RAI1: variants seen among roughly 807,000 people sequenced by gnomAD.
RAI1 encodes retinoic acid-induced protein 1.
In RAI1, 9 loss-of-function variants were observed where a neutral mutation model predicts 123.8. The ratio of observed to expected loss-of-function variants is 0.07; its 90% CI spans 0.04 to 0.13. The LOEUF (loss-of-function observed/expected upper bound fraction) is 0.13. RAI1 is among the 10% of genes least tolerant of loss of function. The pLI, the probability that RAI1 is intolerant of heterozygous loss-of-function variation, is 1.00. For missense variants in RAI1, 2,256 were observed against 2,545.8 expected, an observed-to-expected ratio of 0.89 and a Z score of 2.45; for synonymous variants, 1,231 against 1,127.3, an observed-to-expected ratio of 1.09 and a Z score of -1.84.
At chr17:17,771,120 G>C (rs2142995153) in intron 2 of RAI1, among the ~76,000 whole-genome samples, 1 of 152,304 alleles carries the variant, frequency 6.6e-6, no homozygotes, top group South Asian at 2.1e-4. Flanking sequence ...GTTTGGCCTT[G>C]GCAGGGCCAT....
intron 1 of RAI1, among the ~76,000 whole-genome samples, chr17:17,687,913 C>G (rs1436957057): frequency 1.3e-5 from 2 of 150,802 alleles, no homozygotes; most frequent in Non-Finnish European, 2.9e-5. Flanking sequence ...GCCTGTAATT[C>G]CAGCTACTTG....
At position 17,797,529 on chromosome 17, in the gene RAI1, C is replaced by T. The variant is rs1040757288; in HGVS notation, c.4581C>T (p.Gly1527=). ...QPQTRAQKQP[G]HTNYSSYSKR... ...AGACAAGGGCACAGAAACAGCCAGG[C>T]CACACCAACTACAGCAGCTATTCCA... is the stretch of plus-strand genomic sequence containing the variant. The change falls in exon 3 of 6, where the codon GGC becomes GGT. Residue 1527 remains glycine, a synonymous_variant. Transcript: ENST00000353383. 6.2e-7 allele frequency: 1 copy of T among 1,613,850 alleles called. No individual in the cohort carries two copies.
At chr17:17,746,369 C>G (rs1455486810) in intron 2 of RAI1, among the ~76,000 whole-genome samples, 1 of 152,212 alleles carries the variant, frequency 6.6e-6, no homozygotes, top group African/African-American at 2.4e-5. Flanking sequence ...AGTCCTCTTT[C>G]AGAGCGAGGC....
chr17:17,810,749 C>G lies in RAI1; in HGVS notation c.*768C>G, dbSNP rs1251747272. The G allele has an allele frequency of 2.2e-6, 1 of 449,270 alleles. No individual in the cohort carries two copies. 27.8% of individuals were successfully genotyped at this position (449,270 alleles called of 1,614,324 possible). A position where few individuals can be genotyped will look rare whatever the true frequency, so the allele number is the denominator to read the frequency against. On this transcript the variant is annotated 3_prime_UTR_variant, in exon 6 of 6. Transcript: ENST00000353383. This position sits in a 1 kb window ranked among gnomAD's most constrained non-coding sequence, Gnocchi z 4.6. ...CCCTTTCCAGTCCTCCACCCCACCC[C>G]TGGAGCCCAGCCTGGGAGCGCAAAA...
rs1424544991 is a variant in RAI1, at chr17:17,793,279, C to T, written c.331C>T (p.Arg111Cys). The T allele has an allele frequency of 3.1e-6, 5 of 1,612,340 alleles. No homozygotes were observed. In the African/African-American group the frequency reaches 4.0e-5, roughly 13 times the overall value. Residue 111 changes from arginine (R) to cysteine (C), a missense_variant, in exon 3 of 6, where the codon CGC (arginine) becomes TGC (cysteine). Coordinates refer to ENST00000353383, the MANE Select transcript of RAI1 (RefSeq NM_030665.4). The part of the protein sequence containing the change: ...GVQDSSPYPG[R>C]YAGEESLQAW... ...CCAGGACAGCAGCCCCTACCCAGGC[C>T]GCTATGCTGGTGAGGAGAGCCTTCA...
intron 2 of RAI1, among the ~76,000 whole-genome samples, chr17:17,749,795 C>G (rs1360686187): frequency 6.6e-6 from 1 of 152,218 alleles, no homozygotes; most frequent in African/African-American, 2.4e-5. Context: ...GGGAGTTCCC[C>G]TACCTTCTGT....
At chr17:17,772,286 C>T (rs1413571428) in intron 2 of RAI1, among the ~76,000 whole-genome samples, 1 of 152,180 alleles carries the variant, frequency 6.6e-6, no homozygotes, top group Non-Finnish European at 1.5e-5. Context: ...TAGAATTTCT[C>T]CCTGCATTTC....
chr17:17,705,142 A>T (rs1915353257), intron 1 of RAI1, among the ~76,000 whole-genome samples: 1 of 152,116 alleles, frequency 6.6e-6, no homozygotes, highest in Non-Finnish European at 1.5e-5. Flanking sequence ...ATCCTGACTG[A>T]TTCTTCATCA....
intron 2 of RAI1, among the ~76,000 whole-genome samples, chr17:17,782,515 G>C (rs2031625889): frequency 6.6e-6 from 1 of 151,650 alleles, no homozygotes; most frequent in African/African-American, 2.4e-5. Flanking sequence ...CCCCAGGACC[G>C]GGCGCATCTG....
intron 2 of RAI1, among the ~76,000 whole-genome samples, chr17:17,754,655 A>G (rs757039193): frequency 6.6e-6 from 1 of 152,182 alleles, no homozygotes; most frequent in African/African-American, 2.4e-5. Flanking sequence ...GTAAACTGTT[A>G]TTAAAGCCAT....
At chr17:17,766,454 A>C (rs2030936635) in intron 2 of RAI1, among the ~76,000 whole-genome samples, 1 of 152,234 alleles carries the variant, frequency 6.6e-6, no homozygotes, top group African/African-American at 2.4e-5. Flanking sequence ...GGCGCGTCCG[A>C]GGCCTGCTTC....
At chr17:17,785,326 G>T (rs1193734426) in intron 2 of RAI1, among the ~76,000 whole-genome samples, 1 of 152,168 alleles carries the variant, frequency 6.6e-6, no homozygotes, top group East Asian at 1.9e-4. Context: ...GGGGTTAAAT[G>T]CACTCAACAC....
intron 1 of RAI1, chr17:17,684,166 C>T (rs1914541498): frequency 6.6e-6 from 1 of 152,162 alleles, no homozygotes; most frequent in Non-Finnish European, 1.5e-5. Flanking sequence ...AGTCACTGCA[C>T]CCAGCCTTAC....
intron 1 of RAI1, among the ~76,000 whole-genome samples, chr17:17,695,264 C>A (rs910083584): frequency 6.6e-6 from 1 of 152,194 alleles, no homozygotes; most frequent in Non-Finnish European, 1.5e-5. Context: ...GGACTGCACA[C>A]CTCACCCGGT....
At chr17:17,783,306 C>G (rs1163841035) in intron 2 of RAI1, among the ~76,000 whole-genome samples, 1 of 152,002 alleles carries the variant, frequency 6.6e-6, no homozygotes, top group Non-Finnish European at 1.5e-5. Flanking sequence ...CGGCAGAGCC[C>G]GAGGTTGCCG....
In RAI1 at chr17:17,772,094, T is replaced by C. The variant is rs555201716; in HGVS notation, c.-16-20839T>C. Among the ~76,000 whole-genome samples, 21 of 152,272 alleles carry C rather than the reference T, an allele frequency of 1.4e-4. No homozygotes were observed. In the South Asian group the frequency reaches 3.3e-3, roughly 24 times the overall value. On this transcript the variant is annotated intron_variant, in intron 2 of 5. Coordinates refer to ENST00000353383, the MANE Select transcript of RAI1 (RefSeq NM_030665.4). ...TGCCAGGCTCTGGCACACCAGGAAATGTAAGCCAGACTCAAGGGTTGGCAA... is the reference window on the plus strand; with the variant it reads ...TGCCAGGCTCTGGCACACCAGGAAACGTAAGCCAGACTCAAGGGTTGGCAA...
intron 1 of RAI1, among the ~76,000 whole-genome samples, chr17:17,718,424 C>T (rs1915776749): frequency 6.6e-6 from 1 of 152,182 alleles, no homozygotes; most frequent in South Asian, 2.1e-4. Context: ...CTCTCAGTTT[C>T]ACATGGTAGC....
In RAI1 at chr17:17,754,478, C is replaced by T. The variant is rs374684319; in HGVS notation, c.-17+30319C>T. Among the ~76,000 whole-genome samples the T allele has an allele frequency of 3.0e-3, 457 of 152,238 alleles. 23 individuals carry two copies. The South Asian group carries it at 0.088, about 29-fold the overall frequency. On this transcript the variant is annotated intron_variant, in intron 2 of 5. Coordinates refer to ENST00000353383, the MANE Select transcript of RAI1 (RefSeq NM_030665.4). ...CTCTATCTCCCGACTTCGGGTGATC[C>T]GCCTGCCTCGGCCTCCCAAAGTGCT... is the stretch of plus-strand genomic sequence containing the variant.
intron 1 of RAI1, among the ~76,000 whole-genome samples, chr17:17,691,831 C>T (rs894883039): frequency 6.6e-6 from 1 of 152,208 alleles, no homozygotes; most frequent in African/African-American, 2.4e-5. Flanking sequence ...CAGGTGCTAC[C>T]TTCCAGCCTG....
Sources: allele counts gnomAD v4.1 joint callset (sites outside exome capture counted in the v4.1 genomes callset), GRCh38; gene constraint gnomAD v4.1.1; non-coding constraint Gnocchi (gnomAD v3.1); transcripts MANE v1.5; gene names NCBI Gene and HGNC (gene_info 2026-07-23, HGNC 2026-07-21).